The following KCND3 variants were observed in gnomAD, a reference collection of about 807,000 sequenced individuals.
KCND3 encodes the protein A-type voltage-gated potassium channel KCND3.
KCND3 carries 9 observed loss-of-function variants against 51.1 expected under a neutral mutation model. That is an observed-to-expected ratio of 0.18 (90% confidence interval 0.11 to 0.31). The LOEUF is 0.31. KCND3 is among the 10% of genes least tolerant of loss of function. KCND3 has a pLI of 1.00. For synonymous variants in KCND3, 349 were observed against 368.0 expected (o/e 0.95, Z 0.59); for missense variants, 526 against 903.8 (o/e 0.58, Z 5.36).
intron 2 of KCND3, among the ~76,000 whole-genome samples, chr1:111,866,558 C>T (rs1423830357): frequency 6.9e-6 from 1 of 144,212 alleles, no homozygotes; most frequent in Admixed American, 7.0e-5. Flanking sequence ...AGCCACTGTG[C>T]CTGACCTGTT....
At chr1:111,960,692 G>C (rs547896130) in intron 2 of KCND3, among the ~76,000 whole-genome samples, 2 of 152,348 alleles carry the variant, frequency 1.3e-5, no homozygotes, top group Non-Finnish European at 2.9e-5. Flanking sequence ...CTTGACTGAA[G>C]TGTAAACAGT....
At chr1:111,786,900 C>T (rs751611455) in intron 3 of KCND3, 44 bp downstream of exon 3, 21 of 1,611,244 alleles carry the variant, frequency 1.3e-5, no homozygotes, top group East Asian at 8.9e-5. Context: ...GGTGCTCCCC[C>T]GCATCCTTTA....
chr1:111,885,336 C>G (rs1036262358), intron 2 of KCND3, among the ~76,000 whole-genome samples: 1 of 152,122 alleles, frequency 6.6e-6, no homozygotes, highest in Non-Finnish European at 1.5e-5. Flanking sequence ...CGAATAAAGA[C>G]AATGATGGCA....
At chr1:111,937,665 G>A (rs942141815) in intron 2 of KCND3, among the ~76,000 whole-genome samples, 4 of 152,160 alleles carry the variant, frequency 2.6e-5, no homozygotes, top group Admixed American at 6.5e-5. Flanking sequence ...GAGGGACGAG[G>A]CCAGGGCATA....
At position 111,865,826 on chromosome 1, in the gene KCND3, T is replaced by A. The variant is rs527397404; in HGVS notation, c.1107-78720A>T. On this transcript the variant is annotated intron_variant, in intron 2 of 7. Coordinates refer to ENST00000302127, the MANE Select transcript of KCND3 (RefSeq NM_001378969.1). ...TTCAACTGATCCACCTGCCTCAGCCTTCTGAGTAGCTGAGACTACAGGTAT... is the reference window on the plus strand; with the variant it reads ...TTCAACTGATCCACCTGCCTCAGCCATCTGAGTAGCTGAGACTACAGGTAT... Among the ~76,000 whole-genome samples, 11 of 152,324 alleles carry A rather than the reference T, an allele frequency of 7.2e-5. No individual in the cohort carries two copies. In the East Asian group the frequency reaches 2.1e-3, roughly 29 times the overall value.
At chr1:111,948,014 G>A (rs542407700) in intron 2 of KCND3, among the ~76,000 whole-genome samples, 19 of 152,272 alleles carry the variant, frequency 1.2e-4, no homozygotes, top group African/African-American at 3.4e-4. Flanking sequence ...CCTCACCTCC[G>A]AGGAGCCCTG....
chr1:111,981,643 T>C lies in KCND3; in HGVS notation c.1084A>G (p.Ile362Val). The change falls in exon 2 of 8, where the codon ATT (isoleucine) becomes GTT (valine). Residue 362 changes from isoleucine to valine, a missense_variant. Physicochemically the swap from Ile to Val is conservative, Grantham distance 29 (BLOSUM62 3). This residue lies in a region of KCND3 where 48 missense variants were observed against 228.5 expected (regional missense o/e 0.21). Coordinates refer to ENST00000302127, the MANE Select transcript of KCND3 (RefSeq NM_001378969.1). This position sits in a 1 kb window ranked among gnomAD's most constrained non-coding sequence, Gnocchi z 6.2. ...TACCCCAGTGTGGTCATGGTGACAA[T>C]GGTGTACCAAAACGAGGCAGGGATG... ...TSIPASFWYT[I>V]VTMTTLGYGD... The C allele has an allele frequency of 1.2e-6, 2 of 1,614,124 alleles. No homozygotes were observed. Among genetic ancestry groups the C allele is most frequent in the Non-Finnish European group, 1.7e-6 (2 of 1,180,014 alleles).
intron 2 of KCND3, among the ~76,000 whole-genome samples, chr1:111,914,272 T>TA (rs144637961): frequency 0.14 from 19,329 of 138,678 alleles, 1,585 homozygotes; most frequent in South Asian, 0.25. Flanking sequence ...GAAAAAAGAT[T>TA]AAAAAAAAAA....
chr1:111,914,262 G>GA (rs1218179574), intron 2 of KCND3, among the ~76,000 whole-genome samples: 3 of 132,228 alleles, frequency 2.3e-5, no homozygotes, highest in Non-Finnish European at 3.2e-5. Context: ...AGCAAAGAAG[G>GA]AAAAAAGATT....
chr1:111,799,553 T>G (rs1665200504), intron 2 of KCND3, among the ~76,000 whole-genome samples: 1 of 152,226 alleles, frequency 6.6e-6, no homozygotes, highest in Admixed American at 6.5e-5. Context: ...ACCCTCCTGT[T>G]GTCACTTGGC....
In KCND3 at chr1:111,938,401, T is replaced by C. The variant is rs374859020; in HGVS notation, c.1106+43220A>G. On this transcript the variant is annotated intron_variant, in intron 2 of 7. Coordinates refer to ENST00000302127, the MANE Select transcript of KCND3 (RefSeq NM_001378969.1). ...TAACAAATGTTTACTAAGCACCTTC[T>C]ATGTGCCAGGCTAGAGTCAGAATGT... Among the ~76,000 whole-genome samples, 40 of 152,310 alleles carry C rather than the reference T, an allele frequency of 2.6e-4. 3 individuals carry two copies. The South Asian group carries it at 5.6e-3, about 21-fold the overall frequency.
chr1:111,809,830 G>A (rs145947972), intron 2 of KCND3, among the ~76,000 whole-genome samples: 2 of 152,312 alleles, frequency 1.3e-5, no homozygotes, highest in East Asian at 3.9e-4. Flanking sequence ...TCCCCAACCT[G>A]CTCTGGGGGT....
chr1:111,949,787 GA>G lies in KCND3; in HGVS notation c.1106+31833del, dbSNP rs371828027. Among the ~76,000 whole-genome samples, 28 of 152,090 alleles carry G rather than the reference GA, an allele frequency of 1.8e-4. No homozygotes were observed. The East Asian group carries it at 5.4e-3, about 29-fold the overall frequency. ...TGATTCCTTCCAAGAAGCTTTTCTT[GA>G]TTCCCAAGGATGGGTGTTTTCTAAA... On this transcript the variant is annotated intron_variant, in intron 2 of 7. Transcript: ENST00000302127.
intron 2 of KCND3, chr1:111,853,693 G>T (rs950196396): frequency 6.6e-6 from 1 of 152,092 alleles, no homozygotes; most frequent in Non-Finnish European, 1.5e-5. Flanking sequence ...AGCTCCATGC[G>T]GGCAGTGAGG....
At chr1:111,867,059 C>T (rs1668613173) in intron 2 of KCND3, among the ~76,000 whole-genome samples, 1 of 152,162 alleles carries the variant, frequency 6.6e-6, no homozygotes, top group African/African-American at 2.4e-5. Flanking sequence ...GGATAAGTTA[C>T]CTAACTTCTC....
At chr1:111,931,271 G>A (rs978585413) in intron 2 of KCND3, among the ~76,000 whole-genome samples, 7 of 152,058 alleles carry the variant, frequency 4.6e-5, no homozygotes, top group Admixed American at 3.9e-4. Flanking sequence ...GAGATGAGGA[G>A]GGTGGGACAC....
At chr1:111,913,331 C>A (rs1405526116) in intron 2 of KCND3, among the ~76,000 whole-genome samples, 1 of 152,150 alleles carries the variant, frequency 6.6e-6, no homozygotes, top group African/African-American at 2.4e-5. Flanking sequence ...AATTGCCCAA[C>A]AATCCATTTC....
chr1:111,795,421 T>C (rs1665013885), intron 2 of KCND3, among the ~76,000 whole-genome samples: 2 of 152,378 alleles, frequency 1.3e-5, no homozygotes, highest in Middle Eastern at 3.4e-3. Flanking sequence ...ATAATTTATT[T>C]TTATTTAGCA....
At chr1:111,928,249 G>T (rs1354502784) in intron 2 of KCND3, among the ~76,000 whole-genome samples, 1 of 152,180 alleles carries the variant, frequency 6.6e-6, no homozygotes, top group Non-Finnish European at 1.5e-5. Context: ...CTTGTTAAAT[G>T]AATGAGTGGC....
Sources: allele counts gnomAD v4.1 joint callset (sites outside exome capture counted in the v4.1 genomes callset), GRCh38; gene constraint gnomAD v4.1.1; regional missense constraint gnomAD v4.1.1; non-coding constraint Gnocchi (gnomAD v3.1); transcripts MANE v1.5; gene names NCBI Gene and HGNC (gene_info 2026-07-23, HGNC 2026-07-21).